The following LYRM7 variants were observed in gnomAD, a reference collection of about 807,000 sequenced individuals.
The protein encoded by LYRM7 is complex III assembly factor LYRM7.
LYRM7 carries 9 observed loss-of-function variants against 15.8 expected under a neutral mutation model. The observed-to-expected ratio is 0.57, with a 90% CI of 0.34 to 0.99. LYRM7 has a LOEUF of 0.99. LYRM7 is among the 50% of genes least tolerant of loss of function. The pLI, the probability that LYRM7 is intolerant of heterozygous loss-of-function variation, is 0.02. For missense variants in LYRM7, 115 were observed against 119.1 expected, an observed-to-expected ratio of 0.97 and a Z score of 0.16; for synonymous variants, 39 against 39.4, an observed-to-expected ratio of 0.99 and a Z score of 0.04.
intron 3 of LYRM7, among the ~76,000 whole-genome samples, chr5:131,186,363 G>A (rs1210716916): frequency 6.6e-6 from 1 of 152,166 alleles, no homozygotes. Context: ...TGTTTTGGAA[G>A]AAAATATAGA....
intron 1 of LYRM7, among the ~76,000 whole-genome samples, chr5:131,175,754 T>TGTTTC (rs971419269): frequency 2.4e-5 from 3 of 124,770 alleles, no homozygotes; most frequent in African/African-American, 1.4e-4. Context: ...AGGCTGGTTT[T>TGTTTC]GTTTTGTTTT....
At chr5:131,196,727 G>A (rs1465848257) in intron 4 of LYRM7, among the ~76,000 whole-genome samples, 2 of 151,788 alleles carry the variant, frequency 1.3e-5, no homozygotes, top group Non-Finnish European at 2.9e-5. Context: ...AAGTACAGTG[G>A]CACGATCTCG....
chr5:131,197,789 C>T (rs1755990921), intron 4 of LYRM7, among the ~76,000 whole-genome samples: 1 of 151,460 alleles, frequency 6.6e-6, no homozygotes, highest in African/African-American at 2.4e-5. Context: ...AAGCAATCTT[C>T]CCACCTCAGC....
intron 1 of LYRM7, among the ~76,000 whole-genome samples, chr5:131,176,762 A>G (rs952281564): frequency 6.6e-6 from 1 of 152,088 alleles, no homozygotes; most frequent in Non-Finnish European, 1.5e-5. Flanking sequence ...TTGGCGTTCT[A>G]TCCACAAAGG....
intron 4 of LYRM7, among the ~76,000 whole-genome samples, chr5:131,190,710 G>A (rs1166440308): frequency 6.6e-6 from 1 of 151,340 alleles, no homozygotes; most frequent in Non-Finnish European, 1.5e-5. Flanking sequence ...AGGCTGGTCT[G>A]GAACTCCTGA....
rs1297327624 is a variant in LYRM7, at chr5:131,204,863, T to C, written c.*5262T>C. On this transcript the variant is annotated 3_prime_UTR_variant, in exon 5 of 5. Coordinates refer to ENST00000379380, the MANE Select transcript of LYRM7 (RefSeq NM_181705.4). ...GGTAGAAACGATACATGATTAATCT[T>C]AATCGGGAAGGAAAAGAGATTTAGG... 6.6e-6 allele frequency: 1 copy of C among 152,176 alleles called. No individual in the cohort carries two copies. Among genetic ancestry groups the C allele is most frequent in the East Asian group, 1.9e-4 (1 of 5,332 alleles). 9.4% of individuals were successfully genotyped at this position (152,176 alleles called of 1,614,324 possible).
At chr5:131,179,880 G>A (rs1337834769) in intron 1 of LYRM7, among the ~76,000 whole-genome samples, 3 of 152,084 alleles carry the variant, frequency 2.0e-5, no homozygotes, top group Non-Finnish European at 4.4e-5. Flanking sequence ...AGGTTGTGGT[G>A]AGCCAAGATC....
At chr5:131,175,458 C>A (rs972781057) in intron 1 of LYRM7, among the ~76,000 whole-genome samples, 1 of 152,054 alleles carries the variant, frequency 6.6e-6, no homozygotes, top group African/African-American at 2.4e-5. Flanking sequence ...CTTGACCTCC[C>A]AAAGTGCTAG....
Position 131,202,874 on chromosome 5 carries a change from T to C in LYRM7, c.*3273T>C, listed in dbSNP as rs1203298396. The stretch of plus-strand genomic sequence containing the variant: ...TTTAGCGGAAGTTAGAAATGGTATA[T>C]AGCAGGAGAGTCAGATTTGAGAAGC... On this transcript the variant is annotated 3_prime_UTR_variant, in exon 5 of 5. Transcript: ENST00000379380. The C allele has an allele frequency of 6.6e-6, 1 of 152,330 alleles. No individual in the cohort carries two copies. The highest frequency in any genetic ancestry group is 1.5e-5 in the Non-Finnish European group (1 of 68,032). 9.4% of individuals were successfully genotyped at this position (152,330 alleles called of 1,614,324 possible). A position where few individuals can be genotyped will look rare whatever the true frequency, so the allele number is the denominator to read the frequency against.
intron 1 of LYRM7, among the ~76,000 whole-genome samples, chr5:131,173,183 G>A (rs775930210): frequency 2.6e-5 from 4 of 152,114 alleles, no homozygotes; most frequent in Admixed American, 1.3e-4. Flanking sequence ...TGCAAAGCCC[G>A]TATTTTTACC....
intron 1 of LYRM7, among the ~76,000 whole-genome samples, chr5:131,179,668 G>A (rs1177701646): frequency 2.0e-5 from 3 of 151,816 alleles, no homozygotes; most frequent in East Asian, 3.9e-4. Flanking sequence ...GGGTGCAGTG[G>A]CTCACTCATG....
In LYRM7 at chr5:131,204,976, TAAAAGAC is replaced by T. The variant is rs1247067863; in HGVS notation, c.*5378_*5384del. ...AGTGAGTATATCAACATGTAAGTGT[TAAAAGAC>T]AATAAGCTACTAGTGATTTTTAATA... is the stretch of plus-strand genomic sequence containing the variant. On this transcript the variant is annotated 3_prime_UTR_variant, in exon 5 of 5. Transcript: ENST00000379380. 4 of 152,424 alleles carry T rather than the reference TAAAAGAC, an allele frequency of 2.6e-5. No individual in the cohort carries two copies. In the East Asian group the frequency reaches 7.5e-4, roughly 29 times the overall value. The allele number at this position is 152,424 out of a possible 1,614,324, so 9.4% of individuals were successfully genotyped here. A position where few individuals can be genotyped will look rare whatever the true frequency, so the allele number is the denominator to read the frequency against.
chr5:131,199,256 A>C lies in LYRM7; in HGVS notation c.245-275A>C, dbSNP rs746865037. On this transcript the variant is annotated intron_variant, in intron 4 of 4. Coordinates refer to ENST00000379380, the MANE Select transcript of LYRM7 (RefSeq NM_181705.4). ...TTAAATGACCAATAATAGAAGTTTT[A>C]GCTGAATTCTCTTCAGTTATTTGAT... Among the ~76,000 whole-genome samples, 7 of 152,336 alleles carry C rather than the reference A, an allele frequency of 4.6e-5. No individual in the cohort carries two copies. In the South Asian group the frequency reaches 1.4e-3, roughly 32 times the overall value.
At chr5:131,181,351 A>G (rs1215645134) in intron 2 of LYRM7, among the ~76,000 whole-genome samples, 1 of 43,478 alleles carries the variant, frequency 2.3e-5, no homozygotes, top group Non-Finnish European at 3.8e-5. Context: ...CATATATGTT[A>G]TATATATATT....
chr5:131,199,523 T>G lies in LYRM7; in HGVS notation c.245-8T>G. ...TGTTAATTATTCTCTTTTTTTTTTT[T>G]CTTTCAGAACTGGTCCCTAGGAAAG... On this transcript the variant is annotated splice_region_variant and splice_polypyrimidine_tract_variant and intron_variant, in intron 4 of 4. Transcript: ENST00000379380. The G allele has an allele frequency of 6.4e-7, 1 of 1,562,230 alleles. No individual in the cohort carries two copies. The highest frequency in any genetic ancestry group is 2.3e-5 in the East Asian group (1 of 44,062).
At chr5:131,187,247 A>G in intron 4 of LYRM7, 138 bp downstream of exon 4, 1 of 522,560 alleles carries the variant, frequency 1.9e-6, no homozygotes. Flanking sequence ...ATATTTTACA[A>G]GGTTATAGTC....
In LYRM7 at chr5:131,187,076, A is replaced by G; in HGVS notation, c.211A>G (p.Ile71Val). 6.4e-7 allele frequency: 1 copy of G among 1,564,118 alleles called. No homozygotes were observed. The highest frequency in any genetic ancestry group is 8.7e-7 in the Non-Finnish European group (1 of 1,148,138). The change falls in exon 4 of 5, where the codon ATA becomes GTA. Residue 71 changes from isoleucine (I) to valine (V), a missense_variant. By Grantham distance (29) the Ile-to-Val change is conservative. Transcript: ENST00000379380. ...DVELLLRTSV[I>V]QGIHTDHNTL... Reference sequence around the variant, plus strand: ...TGAATTATTACTCAGAACATCTGTTATACAAGGTATTCACACAGACCACAA... The same window carrying G: ...TGAATTATTACTCAGAACATCTGTTGTACAAGGTATTCACACAGACCACAA...
intron 4 of LYRM7, among the ~76,000 whole-genome samples, chr5:131,188,617 C>G (rs916323325): frequency 5.3e-5 from 8 of 152,086 alleles, no homozygotes; most frequent in African/African-American, 1.9e-4. Flanking sequence ...TATTGTTGAT[C>G]TAAAGGATTT....
chr5:131,182,347 C>T (rs1305261106), intron 3 of LYRM7, 48 bp downstream of exon 3: 5 of 1,286,658 alleles, frequency 3.9e-6, no homozygotes, highest in Non-Finnish European at 5.2e-6. Context: ...ATTATCTTGT[C>T]AAAGAGGAAA....
Sources: allele counts gnomAD v4.1 joint callset (sites outside exome capture counted in the v4.1 genomes callset), GRCh38; gene constraint gnomAD v4.1.1; transcripts MANE v1.5; gene names NCBI Gene and HGNC (gene_info 2026-07-23, HGNC 2026-07-21).